The following HECW1 variants were observed in gnomAD, a reference collection of about 807,000 sequenced individuals.
The protein encoded by HECW1 is HECT, C2 and WW domain containing E3 ubiquitin protein ligase 1, also known as E3 ubiquitin-protein ligase HECW1.
Under a neutral mutation model 182.3 loss-of-function variants are expected in HECW1, and 61 were observed. The observed-to-expected ratio is 0.33, with a 90% CI of 0.27 to 0.41. The LOEUF is 0.41. Ranked by LOEUF, HECW1 falls within the 10% of genes least tolerant of loss-of-function variation. HECW1 has a pLI of 1.00. For synonymous variants in HECW1, 859 were observed against 832.6 expected (o/e 1.03, Z -0.55); for missense variants, 1,739 against 2,108.9 (o/e 0.82, Z 3.44).
chr7:43,543,384 C>T (rs1342209203), intron 26 of HECW1, among the ~76,000 whole-genome samples: 1 of 152,134 alleles, frequency 6.6e-6, no homozygotes, highest in African/African-American at 2.4e-5. Flanking sequence ...TGTTGTATTT[C>T]TTCTGTAAAA....
At chr7:43,328,405 G>A (rs1231979544) in intron 5 of HECW1, among the ~76,000 whole-genome samples, 1 of 152,224 alleles carries the variant, frequency 6.6e-6, no homozygotes, top group Non-Finnish European at 1.5e-5. Flanking sequence ...GTCAAGGCCT[G>A]CAACATGGGA....
chr7:43,482,499 AATAC>A (rs1386443253), intron 17 of HECW1, among the ~76,000 whole-genome samples: 1 of 152,198 alleles, frequency 6.6e-6, no homozygotes, highest in Non-Finnish European at 1.5e-5. Flanking sequence ...CCAGGCCAAA[AATAC>A]ATACAGAGTT....
At chr7:43,120,703 G>C (rs984488240) in intron 2 of HECW1, among the ~76,000 whole-genome samples, 2 of 152,036 alleles carry the variant, frequency 1.3e-5, no homozygotes, top group South Asian at 2.1e-4. Flanking sequence ...GAGTGCAGTG[G>C]CATGATCTTG....
intron 28 of HECW1, among the ~76,000 whole-genome samples, chr7:43,554,224 T>C (rs1418055336): frequency 6.6e-6 from 1 of 152,188 alleles, no homozygotes; most frequent in Non-Finnish European, 1.5e-5. Context: ...GGAAATATGA[T>C]GCAATATTAT....
At chr7:43,299,316 C>T (rs1027583711) in intron 3 of HECW1, among the ~76,000 whole-genome samples, 2 of 152,152 alleles carry the variant, frequency 1.3e-5, no homozygotes, top group African/African-American at 4.8e-5. Context: ...TGGTACCTTC[C>T]CGGTATCTTT....
At position 43,304,057 on chromosome 7, in the gene HECW1, C is replaced by T. The variant is rs115131637; in HGVS notation, c.28-7706C>T. Among the ~76,000 whole-genome samples, 1,171 of 152,228 alleles carry T rather than the reference C, an allele frequency of 7.7e-3. 19 individuals carry two copies. Among genetic ancestry groups the T allele is most frequent in the African/African-American group, 0.027 (1,128 of 41,540 alleles). ...CTAACGAATTGTTTCCCTTAACAGT[C>T]GTGACTCAGAGGAAATGCGTGGGCT... is the stretch of plus-strand genomic sequence containing the variant. On this transcript the variant is annotated intron_variant, in intron 3 of 29. Transcript: ENST00000395891.
At chr7:43,315,334 T>A (rs1199743054) in intron 4 of HECW1, among the ~76,000 whole-genome samples, 2 of 152,106 alleles carry the variant, frequency 1.3e-5, no homozygotes, top group Non-Finnish European at 2.9e-5. Context: ...GTGGCATTGA[T>A]TTTTAGGAGC....
intron 8 of HECW1, among the ~76,000 whole-genome samples, chr7:43,430,438 C>T (rs1584882838): frequency 6.6e-6 from 1 of 152,170 alleles, no homozygotes; most frequent in Non-Finnish European, 1.5e-5. Context: ...GTATAGATTA[C>T]AATCTGGGAG....
At chr7:43,225,843 A>G (rs1797377513) in intron 2 of HECW1, among the ~76,000 whole-genome samples, 1 of 152,064 alleles carries the variant, frequency 6.6e-6, no homozygotes, top group African/African-American at 2.4e-5. Context: ...GGAATGCAGT[A>G]GTATGATCGC....
At chr7:43,378,621 A>G (rs2074418369) in intron 6 of HECW1, among the ~76,000 whole-genome samples, 1 of 152,188 alleles carries the variant, frequency 6.6e-6, no homozygotes, top group East Asian at 1.9e-4. Context: ...CCTGGCCAAC[A>G]TAGTGAAACC....
intron 21 of HECW1, among the ~76,000 whole-genome samples, chr7:43,504,610 C>A (rs1164835083): frequency 6.6e-6 from 1 of 152,220 alleles, no homozygotes; most frequent in Non-Finnish European, 1.5e-5. Context: ...GTAAATTCAC[C>A]TCACAAGGCA....
rs779442609 is a variant in HECW1, at chr7:43,456,378, C to T, written c.2582C>T (p.Thr861Met). 4.5e-5 allele frequency: 72 copies of T among 1,613,966 alleles called. No homozygotes were observed. The highest frequency in any genetic ancestry group is 5.3e-5 in the Non-Finnish European group (63 of 1,179,998). The change falls in exon 13 of 30, where the codon ACG (threonine) becomes ATG (methionine). Residue 861 changes from threonine to methionine, a missense_variant. Coordinates refer to ENST00000395891, the MANE Select transcript of HECW1 (RefSeq NM_015052.5). ...VNRTTTWQRPTAAATPDGMRR... is the reference protein window; with the variant it reads ...VNRTTTWQRPMAAATPDGMRR... The stretch of plus-strand genomic sequence containing the variant: ...CGCACAACCACCTGGCAGCGTCCGA[C>T]GGCAGCAGCCACCCCGGATGGCATG...
chr7:43,420,844 A>G (rs879504474), intron 8 of HECW1, among the ~76,000 whole-genome samples: 4 of 152,160 alleles, frequency 2.6e-5, no homozygotes, highest in Non-Finnish European at 5.9e-5. Context: ...AAAAGTCAAT[A>G]TTCTTTAGGT....
chr7:43,255,857 T>C (rs1800513178), intron 3 of HECW1, among the ~76,000 whole-genome samples: 1 of 152,126 alleles, frequency 6.6e-6, no homozygotes, highest in Non-Finnish European at 1.5e-5. Context: ...GAGGGAGGAC[T>C]TTATTTGGAC....
At chr7:43,555,647 A>G (rs2081991727) in intron 29 of HECW1, among the ~76,000 whole-genome samples, 1 of 152,234 alleles carries the variant, frequency 6.6e-6, no homozygotes, top group Non-Finnish European at 1.5e-5. Flanking sequence ...TTACTGGACT[A>G]TAGCTTTCAC....
rs142000457 is a variant in HECW1 at position 43,279,117 on chromosome 7, CAG to C, written c.28-32644_28-32643del. On this transcript the variant is annotated intron_variant, in intron 3 of 29. Transcript: ENST00000395891. ...GATTATATTTCCTACCCATTTATTT[CAG>C]ATTCAACATTTGGTGTGGGCTTGAG... 9.6e-3 allele frequency among the ~76,000 whole-genome samples: 1,457 copies of C among 152,308 alleles called. 30 individuals carry two copies. Among genetic ancestry groups the C allele is most frequent in the African/African-American group, 0.033 (1,376 of 41,568 alleles).
intron 6 of HECW1, among the ~76,000 whole-genome samples, chr7:43,393,066 T>C (rs961129473): frequency 6.6e-6 from 1 of 152,238 alleles, no homozygotes; most frequent in Non-Finnish European, 1.5e-5. Flanking sequence ...CAGAATCTTC[T>C]ACACCCCACA....
At chr7:43,148,848 G>A (rs1788989504) in intron 2 of HECW1, 2 of 151,834 alleles carry the variant, frequency 1.3e-5, no homozygotes, top group South Asian at 4.2e-4. Flanking sequence ...GATAGGGCCT[G>A]AGATTTTGCA....
chr7:43,410,133 C>A (rs1386495982), intron 8 of HECW1, among the ~76,000 whole-genome samples: 1 of 152,136 alleles, frequency 6.6e-6, no homozygotes, highest in Non-Finnish European at 1.5e-5. Flanking sequence ...AAGAAAGCAA[C>A]AGGCCAAAAA....
Sources: gnomAD v4.1 joint callset for allele counts (sites outside exome capture counted in the v4.1 genomes callset) on GRCh38, gnomAD v4.1.1 for gene constraint, MANE v1.5 for transcripts, NCBI Gene and HGNC (gene_info 2026-07-23, HGNC 2026-07-21) for gene names.